Variants in TIPRL observed in about 807,000 individuals in gnomAD.
TIPRL encodes the protein TOR signaling pathway regulator.
A neutral mutation model predicts 32.3 loss-of-function variants in TIPRL; 10 were observed. The observed-to-expected ratio is 0.31, with a 90% confidence interval of 0.19 to 0.52. The LOEUF (loss-of-function observed/expected upper bound fraction) is 0.52, where lower values mean the gene tolerates loss of function less well. TIPRL is among the 20% of genes least tolerant of loss of function. The probability of loss-of-function intolerance (pLI) is 0.96; values close to 1 mark genes in which losing one functional copy is unlikely to be tolerated. For missense variants in TIPRL, 250 were observed against 328.1 expected (o/e 0.76, Z 1.84); for synonymous variants, 100 against 114.0 (o/e 0.88, Z 0.78).
chr1:168,183,918 C>T lies in TIPRL; in HGVS notation c.121C>T (p.His41Tyr), dbSNP rs1160266672. 3 of 1,613,804 alleles carry T rather than the reference C, an allele frequency of 1.9e-6. No homozygotes were observed. The highest frequency in any genetic ancestry group is 2.2e-5 in the South Asian group (2 of 91,078). Reference protein sequence around the residue: ...ADVEKLADELHMPSLPEMMFG... With the variant: ...ADVEKLADELYMPSLPEMMFG... ...TACGTATAGATTAGCCGATGAATTA[C>T]ATATGCCATCTCTCCCTGAAATGAT... The change falls in exon 2 of 7, where the codon CAT (histidine) becomes TAT (tyrosine). Residue 41 changes from histidine to tyrosine, a missense_variant. Coordinates refer to ENST00000367833, the MANE Select transcript of TIPRL (RefSeq NM_152902.5).
intron 5 of TIPRL, among the ~76,000 whole-genome samples, chr1:168,197,664 C>T (rs537300444): frequency 5.7e-4 from 86 of 152,086 alleles, no homozygotes; most frequent in African/African-American, 1.8e-3. Flanking sequence ...GGATTACAGG[C>T]GCCCACCACC....
intron 5 of TIPRL, 133 bp downstream of exon 5, chr1:168,196,775 T>G: frequency 2.0e-6 from 1 of 497,742 alleles, no homozygotes; most frequent in Non-Finnish European, 3.3e-6. Flanking sequence ...GTCTGAGTGT[T>G]TCACATTCAC....
intron 4 of TIPRL, among the ~76,000 whole-genome samples, chr1:168,192,853 T>A (rs1700115413): frequency 8.3e-6 from 1 of 119,926 alleles, no homozygotes; most frequent in African/African-American, 4.7e-5. Flanking sequence ...GCCACTGCAC[T>A]CCAGCCTGGG....
rs1700208748 is a variant in TIPRL at position 168,201,683 on chromosome 1, TTAGAA to T, written c.*1643_*1647del. ...TGTTTTATATTATTTGCCATTGAGA[TTAGAA>T]TAGAACAGGCTCTATTCATGCAAAC... is the stretch of plus-strand genomic sequence containing the variant. On this transcript the variant is annotated 3_prime_UTR_variant, in exon 7 of 7. Coordinates refer to ENST00000367833, the MANE Select transcript of TIPRL (RefSeq NM_152902.5). 1 of 151,800 alleles carries T rather than the reference TTAGAA, an allele frequency of 6.6e-6. No individual in the cohort carries two copies. The highest frequency in any genetic ancestry group is 1.5e-5 in the Non-Finnish European group (1 of 67,920). 9.4% of individuals were successfully genotyped at this position (151,800 alleles called of 1,614,324 possible). A position where few individuals can be genotyped will look rare whatever the true frequency, so the allele number is the denominator to read the frequency against.
chr1:168,192,852 C>G lies in TIPRL; in HGVS notation c.516+1352C>G, dbSNP rs562064805. On this transcript the variant is annotated intron_variant, in intron 4 of 6. Coordinates refer to ENST00000367833, the MANE Select transcript of TIPRL (RefSeq NM_152902.5). ...AGTGAGCCGAGATCGTGCCACTGCA[C>G]TCCAGCCTGGGCAACAAGCGAGACT... 1.2e-4 allele frequency among the ~76,000 whole-genome samples: 15 copies of G among 125,870 alleles called. No homozygotes were observed. In the South Asian group the frequency reaches 3.3e-3, roughly 27 times the overall value. The allele number at this position is 125,870 out of a possible 152,430, so 82.6% of individuals were successfully genotyped here.
Position 168,196,661 on chromosome 1 carries a change from T to C in TIPRL, c.612+19T>C. 1.3e-6 allele frequency: 2 copies of C among 1,514,390 alleles called. No homozygotes were observed. The highest frequency in any genetic ancestry group is 1.8e-6 in the Non-Finnish European group (2 of 1,109,318). The allele number at this position is 1,514,390 out of a possible 1,614,324, so 93.8% of individuals were successfully genotyped here. A position where few individuals can be genotyped will look rare whatever the true frequency, so the allele number is the denominator to read the frequency against. On this transcript the variant is annotated intron_variant, in intron 5 of 6. Coordinates refer to ENST00000367833, the MANE Select transcript of TIPRL (RefSeq NM_152902.5). ...CCATGAGGTATTTATTGTTGTTTAA[T>C]GAATATACTAATTGATACTGGGCTT... is the stretch of plus-strand genomic sequence containing the variant.
Position 168,194,278 on chromosome 1 carries a change from C to T in TIPRL, c.517-2269C>T, listed in dbSNP as rs567801373. Among the ~76,000 whole-genome samples, 9 of 152,216 alleles carry T rather than the reference C, an allele frequency of 5.9e-5. No homozygotes were observed. The South Asian group carries it at 1.0e-3, about 18-fold the overall frequency. ...GTTGTATAGGATTGTCCTGTGCATC[C>T]CAGATCTGTCGTTCTGGTCCTTATT... On this transcript the variant is annotated intron_variant, in intron 4 of 6. Coordinates refer to ENST00000367833, the MANE Select transcript of TIPRL (RefSeq NM_152902.5).
chr1:168,199,399 AT>A (rs1322447756), intron 6 of TIPRL, among the ~76,000 whole-genome samples: 2 of 4,244 alleles, frequency 4.7e-4, no homozygotes, highest in Non-Finnish European at 8.3e-4. Context: ...ATTTTTCTTT[AT>A]TTTTTACTCC....
In TIPRL at chr1:168,179,009, G is replaced by A. The variant is rs1699925113; in HGVS notation, c.-69G>A. ...GGAGGCTGGGCCGGAGGGAGGCGGA[G>A]GAACCGGTGTTCGCCGCCGCCGCTG... On this transcript the variant is annotated 5_prime_UTR_variant, in exon 1 of 7. Transcript: ENST00000367833. The A allele has an allele frequency of 2.8e-6, 4 of 1,408,028 alleles. No individual in the cohort carries two copies. Among genetic ancestry groups the A allele is most frequent in the African/African-American group, 1.4e-5 (1 of 70,516 alleles). The allele number at this position is 1,408,028 out of a possible 1,614,324, so 87.2% of individuals were successfully genotyped here.
intron 3 of TIPRL, among the ~76,000 whole-genome samples, chr1:168,187,218 T>C (rs1176029696): frequency 1.3e-5 from 2 of 152,192 alleles, no homozygotes; most frequent in Non-Finnish European, 2.9e-5. Flanking sequence ...CCTCCTCTCT[T>C]CTGATTGAAA....
intron 3 of TIPRL, among the ~76,000 whole-genome samples, chr1:168,185,460 T>C (rs1252599286): frequency 6.6e-6 from 1 of 152,132 alleles, no homozygotes; most frequent in East Asian, 1.9e-4. Flanking sequence ...TTAAGTCCTG[T>C]GTGTGTAAGC....
chr1:168,185,769 C>CAAA (rs749833672), intron 3 of TIPRL, among the ~76,000 whole-genome samples: 1 of 77,956 alleles, frequency 1.3e-5, no homozygotes. Context: ...GACTCTGTCT[C>CAAA]AAAAAAAAAA....
chr1:168,194,240 A>G (rs1274015893), intron 4 of TIPRL, among the ~76,000 whole-genome samples: 1 of 152,210 alleles, frequency 6.6e-6, no homozygotes, highest in Non-Finnish European at 1.5e-5. Context: ...TGTGGAATGC[A>G]GGACTGGACT....
intron 1 of TIPRL, among the ~76,000 whole-genome samples, chr1:168,180,334 A>G (rs4657742): frequency 0.48 from 73,629 of 152,000 alleles, 21,131 homozygotes; most frequent in African/African-American, 0.79. Flanking sequence ...GGAGGAGGAG[A>G]AGCAGATGGG....
Position 168,183,943 on chromosome 1 carries a change from T to C in TIPRL, c.146T>C (p.Met49Thr). 8 of 1,614,122 alleles carry C rather than the reference T, an allele frequency of 5.0e-6. No homozygotes were observed. Among genetic ancestry groups the C allele is most frequent in the South Asian group, 2.2e-5 (2 of 91,088 alleles). Residue 49 changes from methionine (M) to threonine (T), a missense_variant, in exon 2 of 7, where the codon ATG becomes ACG. Met to Thr is a moderately conservative substitution (Grantham distance 81). Transcript: ENST00000367833. Reference protein sequence around the residue: ...ELHMPSLPEMMFGDNVLRIQH... With the variant: ...ELHMPSLPEMTFGDNVLRIQH... ...CATATGCCATCTCTCCCTGAAATGA[T>C]GTTTGGAGACAACGTTTTAAGAATC...
At chr1:168,194,431 C>T (rs1388170597) in intron 4 of TIPRL, among the ~76,000 whole-genome samples, 1 of 152,216 alleles carries the variant, frequency 6.6e-6, no homozygotes, top group Non-Finnish European at 1.5e-5. Flanking sequence ...GAGTTCTGGT[C>T]TCCTAATTCC....
intron 6 of TIPRL, 23 bp downstream of exon 6, chr1:168,199,004 TTAGAAG>T: frequency 3.8e-6 from 6 of 1,580,998 alleles, no homozygotes; most frequent in Non-Finnish European, 5.2e-6. Flanking sequence ...ATTTCAGTTT[TTAGAAG>T]TTAATTTTAA....
intron 3 of TIPRL, among the ~76,000 whole-genome samples, chr1:168,187,007 C>G (rs568484183): frequency 6.6e-6 from 1 of 152,308 alleles, no homozygotes; most frequent in East Asian, 1.9e-4. Flanking sequence ...ACAGTCCAAG[C>G]TTTAACTATT....
intron 4 of TIPRL, chr1:168,192,162 G>A (rs1174321883): frequency 1.4e-6 from 2 of 1,449,250 alleles, no homozygotes; most frequent in Non-Finnish European, 1.8e-6. Flanking sequence ...AATGATCCAT[G>A]TGTTATGATT....
Sources: gnomAD v4.1 joint callset for allele counts (sites outside exome capture counted in the v4.1 genomes callset) on GRCh38, gnomAD v4.1.1 for gene constraint, MANE v1.5 for transcripts, NCBI Gene and HGNC (gene_info 2026-07-23, HGNC 2026-07-21) for gene names.